ADGRL2: variants seen among roughly 807,000 people sequenced by gnomAD.
The protein encoded by ADGRL2 is calcium-independent alpha-latrotoxin receptor 2.
A neutral mutation model predicts 157.4 loss-of-function variants in ADGRL2; 44 were observed. The observed-to-expected ratio is 0.28, with a 90% CI of 0.22 to 0.36. The LOEUF (loss-of-function observed/expected upper bound fraction) is 0.36. Ranked by LOEUF, ADGRL2 falls within the 10% of genes least tolerant of loss-of-function variation. The probability of loss-of-function intolerance (pLI) is 1.00; values close to 1 mark genes in which losing one functional copy is unlikely to be tolerated. For missense variants in ADGRL2, 1,510 were observed against 1,768.9 expected (o/e 0.85, Z 2.63); for synonymous variants, 585 against 624.7 (o/e 0.94, Z 0.95).
chr1:81,420,049 G>A (rs1472192325), intron 1 of ADGRL2, among the ~76,000 whole-genome samples: 1 of 152,094 alleles, frequency 6.6e-6, no homozygotes, highest in Non-Finnish European at 1.5e-5. Flanking sequence ...CTAATTTACA[G>A]ATGTTAGAAA....
chr1:81,737,015 T>C (rs1400081672), intron 1 of ADGRL2, among the ~76,000 whole-genome samples: 1 of 151,650 alleles, frequency 6.6e-6, no homozygotes, highest in Non-Finnish European at 1.5e-5. Flanking sequence ...TTTGTATTTT[T>C]AGTAGAGGTG....
chr1:81,676,496 T>C (rs1362297895), intron 3 of ADGRL2, among the ~76,000 whole-genome samples: 2 of 151,892 alleles, frequency 1.3e-5, no homozygotes, highest in Non-Finnish European at 2.9e-5. Flanking sequence ...AGATAATATT[T>C]CACTATGTTG....
At chr1:81,581,372 G>A (rs911007254) in intron 3 of ADGRL2, among the ~76,000 whole-genome samples, 1 of 152,086 alleles carries the variant, frequency 6.6e-6, no homozygotes, top group African/African-American at 2.4e-5. Context: ...TTCTTTAAGC[G>A]GGAAAATATT....
intron 10 of ADGRL2, among the ~76,000 whole-genome samples, chr1:81,954,789 A>G (rs542896001): frequency 7.2e-5 from 11 of 152,220 alleles, no homozygotes; most frequent in Non-Finnish European, 1.6e-4. Context: ...AAGCTAATTA[A>G]TCTTACTCTG....
chr1:81,513,921 C>T (rs376739535), intron 2 of ADGRL2: 1 of 152,174 alleles, frequency 6.6e-6, no homozygotes, highest in Non-Finnish European at 1.5e-5. Context: ...ATTTATCCCC[C>T]CTTCCTGTCA....
intron 2 of ADGRL2, among the ~76,000 whole-genome samples, chr1:81,492,938 C>T (rs2078663110): frequency 6.6e-6 from 1 of 152,010 alleles, no homozygotes; most frequent in South Asian, 2.1e-4. Flanking sequence ...ATAAAATGAC[C>T]TTGAATTATG....
chr1:81,988,635 G>T (rs929199434), intron 23 of ADGRL2, among the ~76,000 whole-genome samples: 2 of 152,082 alleles, frequency 1.3e-5, no homozygotes, highest in African/African-American at 4.8e-5. Context: ...TAGAAGTTGG[G>T]ACAGTCTTTA....
At chr1:81,472,872 A>G (rs903801166) in intron 2 of ADGRL2, among the ~76,000 whole-genome samples, 2 of 152,172 alleles carry the variant, frequency 1.3e-5, no homozygotes, top group Non-Finnish European at 2.9e-5. Flanking sequence ...CATTTTACAT[A>G]AGATGATAAT....
intron 2 of ADGRL2, among the ~76,000 whole-genome samples, chr1:81,894,263 G>A (rs183871664): frequency 4.6e-4 from 70 of 151,948 alleles, no homozygotes; most frequent in Admixed American, 8.5e-4. Context: ...GTTTGGTGGT[G>A]TTTTTTTTAA....
intron 1 of ADGRL2, among the ~76,000 whole-genome samples, chr1:81,356,463 G>A (rs1325299577): frequency 6.6e-6 from 1 of 151,998 alleles, no homozygotes; most frequent in African/African-American, 2.4e-5. Flanking sequence ...TTGTAAGGGA[G>A]GGAGAACTCA....
intron 2 of ADGRL2, among the ~76,000 whole-genome samples, chr1:81,841,971 T>G (rs1333664573): frequency 6.6e-6 from 1 of 152,080 alleles, no homozygotes; most frequent in Non-Finnish European, 1.5e-5. Context: ...GTTAGGAAAT[T>G]CTTGTAGTTG....
At chr1:81,767,436 G>C (rs533969550) in intron 2 of ADGRL2, among the ~76,000 whole-genome samples, 1 of 152,028 alleles carries the variant, frequency 6.6e-6, no homozygotes, top group Non-Finnish European at 1.5e-5. Flanking sequence ...TTTACTTGTC[G>C]TAACTAGAAA....
intron 2 of ADGRL2, among the ~76,000 whole-genome samples, chr1:81,778,684 C>G (rs192343028): frequency 4.9e-4 from 74 of 152,252 alleles, no homozygotes; most frequent in Non-Finnish European, 1.8e-4. Flanking sequence ...TCTCCAATGT[C>G]TCCCTCCTCC....
At chr1:81,384,088 G>A (rs561074756) in intron 1 of ADGRL2, among the ~76,000 whole-genome samples, 9 of 152,072 alleles carry the variant, frequency 5.9e-5, no homozygotes, top group Non-Finnish European at 1.0e-4. Flanking sequence ...TTTTAGGAAT[G>A]CTTTTCTGTA....
chr1:81,532,602 A>AT (rs1418921196), intron 2 of ADGRL2, among the ~76,000 whole-genome samples: 1 of 151,430 alleles, frequency 6.6e-6, no homozygotes, highest in Non-Finnish European at 1.5e-5. Flanking sequence ...GGAAACCAAA[A>AT]AAAAAAAAAA....
chr1:81,622,389 T>C (rs1375834596), intron 3 of ADGRL2, among the ~76,000 whole-genome samples: 3 of 151,804 alleles, frequency 2.0e-5, no homozygotes, highest in South Asian at 2.1e-4. Context: ...GAGACCATCC[T>C]GGCCAACGTG....
intron 3 of ADGRL2, among the ~76,000 whole-genome samples, chr1:81,673,043 C>T (rs912169511): frequency 6.6e-6 from 1 of 152,176 alleles, no homozygotes; most frequent in African/African-American, 2.4e-5. Context: ...GGAAGCATTG[C>T]TTGCCTCATT....
chr1:81,461,360 A>C (rs183898536), intron 2 of ADGRL2, among the ~76,000 whole-genome samples: 222 of 151,640 alleles, frequency 1.5e-3, no homozygotes, highest in African/African-American at 5.1e-3. Context: ...AGATGTTTGT[A>C]GTAATCCTTG....
intron 1 of ADGRL2, chr1:81,427,447 T>TGTG (rs1365032609): frequency 2.0e-5 from 15 of 753,458 alleles, no homozygotes; most frequent in Middle Eastern, 3.7e-4. Flanking sequence ...TGGTGGTAAC[T>TGTG]GTGGTGGTGG....
Sources: gnomAD v4.1 joint callset for allele counts (sites outside exome capture counted in the v4.1 genomes callset) on GRCh38, gnomAD v4.1.1 for gene constraint, MANE v1.5 for transcripts, NCBI Gene and HGNC (gene_info 2026-07-23, HGNC 2026-07-21) for gene names.